MATN1: variants seen among roughly 807,000 people sequenced by gnomAD.
MATN1 encodes matrilin 1.
MATN1 carries 34 observed loss-of-function variants against 41.3 expected under a neutral mutation model. The ratio of observed to expected loss-of-function variants is 0.82; its 90% CI spans 0.63 to 1.10. The LOEUF is 1.10. Among genes scored for constraint, MATN1 ranks in the 50% least tolerant of loss-of-function variants. The pLI, the probability that MATN1 is intolerant of heterozygous loss-of-function variation, is 0.00. For missense variants in MATN1, 602 were observed against 662.4 expected (o/e 0.91, Z 1.00); for synonymous variants, 264 against 278.7 (o/e 0.95, Z 0.53).
At chr1:30,720,286 C>A (rs1290561541) in intron 2 of MATN1, 1 of 152,166 alleles carries the variant, frequency 6.6e-6, no homozygotes, top group African/African-American at 2.4e-5. Context: ...CCTCACTTGC[C>A]CACCCCACGC....
Position 30,717,642 on chromosome 1 carries a change from G to GTTTTTTT in MATN1, c.665-734_665-728dup, listed in dbSNP as rs751915676. Among the ~76,000 whole-genome samples, 17 of 109,978 alleles carry GTTTTTTT rather than the reference G, an allele frequency of 1.5e-4. 2 individuals are homozygous for GTTTTTTT. The highest frequency in any genetic ancestry group is 6.1e-4 in the African/African-American group (14 of 23,044). 72.1% of individuals were successfully genotyped at this position (109,978 alleles called of 152,430 possible). On this transcript the variant is annotated intron_variant, in intron 3 of 7. Transcript: ENST00000373765. ...GGCTCTGTTGTTTTTTGTGTGTGCG[G>GTTTTTTT]TTTTTTTTTTTGTTTTGTTTTTTTT...
In MATN1 at chr1:30,721,420, G is replaced by A; in HGVS notation, c.426C>T (p.Ser142=). The change falls in exon 2 of 8, where the codon TCC becomes TCT. Residue 142 remains serine, a synonymous_variant. Coordinates refer to ENST00000373765, the MANE Select transcript of MATN1 (RefSeq NM_002379.3). ...FGDAEGGRSR[S]PDISKVVIVV... ...GTGCACGTACCTTGCTGATGTCAGG[G>A]GACCTGGAACGACCACCCTCTGCAT... is the stretch of plus-strand genomic sequence containing the variant. 1 of 1,608,428 alleles carries A rather than the reference G, an allele frequency of 6.2e-7. No homozygotes were observed. Among genetic ancestry groups the A allele is most frequent in the Non-Finnish European group, 8.5e-7 (1 of 1,175,684 alleles).
chr1:30,721,307 C>T lies in MATN1; in HGVS notation c.441+98G>A, dbSNP rs1238075788. On this transcript the variant is annotated intron_variant, in intron 2 of 7. Coordinates refer to ENST00000373765, the MANE Select transcript of MATN1 (RefSeq NM_002379.3). ...CCCCAGCTATGAAATGGCCACCTCACGGGGCATCATGGGAATCAAAGTGTC... is the reference window on the plus strand; with the variant it reads ...CCCCAGCTATGAAATGGCCACCTCATGGGGCATCATGGGAATCAAAGTGTC... 1.7e-5 allele frequency: 20 copies of T among 1,208,804 alleles called. 1 individual carries two copies. The highest frequency in any genetic ancestry group is 6.0e-5 in the Admixed American group (3 of 49,608). 74.9% of individuals were successfully genotyped at this position (1,208,804 alleles called of 1,614,324 possible).
intron 7 of MATN1, 114 bp downstream of exon 7, chr1:30,714,133 A>G: frequency 1.2e-6 from 1 of 812,706 alleles, no homozygotes; most frequent in Non-Finnish European, 2.0e-6. Flanking sequence ...GCCCATCAGC[A>G]GTAAGCAGGC....
chr1:30,711,491 G>C lies in MATN1; in HGVS notation c.*2091C>G, dbSNP rs1482315831. On this transcript the variant is annotated 3_prime_UTR_variant, in exon 8 of 8. Coordinates refer to ENST00000373765, the MANE Select transcript of MATN1 (RefSeq NM_002379.3). ...ACCTGGAGTAGCCGTGGGGAGAACT[G>C]CGATGAGTGAAGGGCAAGAGTTTGG... 2 of 152,304 alleles carry C rather than the reference G, an allele frequency of 1.3e-5. No individual in the cohort carries two copies. Among genetic ancestry groups the C allele is most frequent in the East Asian group, 3.9e-4 (2 of 5,192 alleles). The allele number at this position is 152,304 out of a possible 1,614,324, so 9.4% of individuals were successfully genotyped here.
chr1:30,720,029 G>T (rs1639677364), intron 2 of MATN1: 2 of 152,180 alleles, frequency 1.3e-5, no homozygotes, highest in South Asian at 4.1e-4. Context: ...GGGCTACCTG[G>T]GGAGTGACTT....
intron 2 of MATN1, 86 bp downstream of exon 2, chr1:30,721,319 G>A: frequency 1.5e-6 from 2 of 1,301,880 alleles, no homozygotes. Flanking sequence ...GGGCATCATG[G>A]GAATCAAAGT....
rs1371988383 is a variant in MATN1 at position 30,721,742 on chromosome 1, C to T, written c.104G>A (p.Cys35Tyr). The change falls in exon 2 of 8, where the codon TGC (cysteine) becomes TAC (tyrosine). Residue 35 changes from cysteine (C) to tyrosine (Y), a missense_variant. Cys to Tyr is a radical substitution (Grantham distance 194). Coordinates refer to ENST00000373765, the MANE Select transcript of MATN1 (RefSeq NM_002379.3). ...GLAPQSRGHL[C>Y]RTRPTDLVFV... ...CACCAGGTCTGTGGGCCGCGTCCGGCAGAGATGGCCTGGGAGTGGGGCAGG... is the reference window on the plus strand; with the variant it reads ...CACCAGGTCTGTGGGCCGCGTCCGGTAGAGATGGCCTGGGAGTGGGGCAGG... The T allele has an allele frequency of 6.2e-7, 1 of 1,608,244 alleles. No homozygotes were observed. Among genetic ancestry groups the T allele is most frequent in the Non-Finnish European group, 8.5e-7 (1 of 1,178,590 alleles).
rs527249981 is a variant in MATN1 at position 30,718,781 on chromosome 1, G to A, written c.618C>T (p.Tyr206=). 3.0e-5 allele frequency: 48 copies of A among 1,610,106 alleles called. No homozygotes were observed. The East Asian group carries it at 6.9e-4, about 23-fold the overall frequency. ...TCCTGGACAGCTTCTCGATGACGCT[G>A]TAGCTCTCCACGTAATCGACGTGTT... is the stretch of plus-strand genomic sequence containing the variant. ...QDEHVDYVES[Y]SVIEKLSRKF... is the part of the protein sequence containing the mutation. Residue 206 remains tyrosine (Y), a synonymous_variant, in exon 3 of 8, where the codon TAC becomes TAT. Transcript: ENST00000373765.
chr1:30,717,869 GGT>G (rs1639639958), intron 3 of MATN1, among the ~76,000 whole-genome samples: 1 of 152,092 alleles, frequency 6.6e-6, no homozygotes, highest in Non-Finnish European at 1.5e-5. Context: ...TGGCCAGGAT[GGT>G]CTCGATCTCC....
At position 30,718,783 on chromosome 1, in the gene MATN1, A is replaced by G. The variant is rs762462128; in HGVS notation, c.616T>C (p.Tyr206His). The G allele has an allele frequency of 1.2e-6, 2 of 1,609,678 alleles. No individual in the cohort carries two copies. Among genetic ancestry groups the G allele is most frequent in the Non-Finnish European group, 8.5e-7 (1 of 1,178,180 alleles). ...CTGGACAGCTTCTCGATGACGCTGT[A>G]GCTCTCCACGTAATCGACGTGTTCG... ...QDEHVDYVES[Y>H]SVIEKLSRKF... is the part of the protein sequence containing the mutation. Residue 206 changes from tyrosine to histidine, a missense_variant, in exon 3 of 8, where the codon TAC becomes CAC. By Grantham distance (83) the Tyr-to-His change is moderately conservative (BLOSUM62 2). Transcript: ENST00000373765.
chr1:30,721,273 A>T, intron 2 of MATN1, 132 bp downstream of exon 2: 2 of 900,192 alleles, frequency 2.2e-6, no homozygotes, highest in Non-Finnish European at 3.4e-6. Context: ...CCCCTCTCTG[A>T]CCCTGTTTCC....
intron 3 of MATN1, among the ~76,000 whole-genome samples, 196 bp from the exon 4 acceptor site, chr1:30,717,111 A>T (rs1341691772): frequency 6.6e-6 from 1 of 152,202 alleles, no homozygotes; most frequent in Non-Finnish European, 1.5e-5. Flanking sequence ...ATCCCTGAAG[A>T]AGGTTATAAT....
At position 30,712,870 on chromosome 1, in the gene MATN1, C is replaced by T. The variant is rs1639569985; in HGVS notation, c.*712G>A. The T allele has an allele frequency of 1.3e-5, 2 of 152,370 alleles. No homozygotes were observed. The highest frequency in any genetic ancestry group is 4.8e-5 in the African/African-American group (2 of 41,550). 9.4% of individuals were successfully genotyped at this position (152,370 alleles called of 1,614,324 possible). ...AGATTCAAGTCCTGTCTCTCAGCGA[C>T]CCACTGCTGAGCAAGTCATTTCATC... On this transcript the variant is annotated 3_prime_UTR_variant, in exon 8 of 8. Coordinates refer to ENST00000373765, the MANE Select transcript of MATN1 (RefSeq NM_002379.3).
rs1439924073 is a variant in MATN1, at chr1:30,713,571, G to A, written c.*11C>T. The stretch of plus-strand genomic sequence containing the variant: ...GGACGCTTGGAGAGGCCACAGTGGT[G>A]ACAGGCAGCCTTAGACAACTGTGTT... On this transcript the variant is annotated 3_prime_UTR_variant, in exon 8 of 8. Transcript: ENST00000373765. 3 of 1,552,994 alleles carry A rather than the reference G, an allele frequency of 1.9e-6. No individual in the cohort carries two copies. The highest frequency in any genetic ancestry group is 1.7e-6 in the Non-Finnish European group (2 of 1,147,510).
intron 2 of MATN1, chr1:30,719,777 T>G (rs1639674834): frequency 6.5e-6 from 1 of 153,534 alleles, no homozygotes; most frequent in Non-Finnish European, 1.5e-5. Flanking sequence ...GCTGCTTCTC[T>G]GCTTCTGACT....
Position 30,714,377 on chromosome 1 carries a change from C to G in MATN1, c.1361-50G>C, listed in dbSNP as rs1480714244. 5 of 1,477,494 alleles carry G rather than the reference C, an allele frequency of 3.4e-6. No individual in the cohort carries two copies. The Admixed American group carries it at 9.4e-5, about 28-fold the overall frequency. 91.5% of individuals were successfully genotyped at this position (1,477,494 alleles called of 1,614,324 possible). On this transcript the variant is annotated intron_variant, in intron 6 of 7. Coordinates refer to ENST00000373765, the MANE Select transcript of MATN1 (RefSeq NM_002379.3). ...AGAGAAAGGAACTGTTGAGTGGCTG[C>G]CCAGGAGGAGGGAGGACAGTCACTG...
chr1:30,721,972 A>T (rs1639701381), intron 1 of MATN1, among the ~76,000 whole-genome samples: 1 of 134,156 alleles, frequency 7.5e-6, no homozygotes, highest in Admixed American at 7.6e-5. Context: ...CAGAGGGCCA[A>T]GCCTGGCCTT....
In MATN1 at chr1:30,713,259, G is replaced by T. The variant is rs2124149801; in HGVS notation, c.*323C>A. ...AGAAAGGGTTAACTAAAAAAGATGG[G>T]AATATATTAAGCTTTTGATTATAAA... On this transcript the variant is annotated 3_prime_UTR_variant, in exon 8 of 8. Transcript: ENST00000373765. 2.9e-6 allele frequency: 1 copy of T among 345,638 alleles called. No homozygotes were observed. The highest frequency in any genetic ancestry group is 5.4e-6 in the Non-Finnish European group (1 of 185,598). The allele number at this position is 345,638 out of a possible 1,614,324, so 21.4% of individuals were successfully genotyped here.
Sources: allele counts gnomAD v4.1 joint callset (sites outside exome capture counted in the v4.1 genomes callset), GRCh38; gene constraint gnomAD v4.1.1; transcripts MANE v1.5; gene names NCBI Gene and HGNC (gene_info 2026-07-23, HGNC 2026-07-21).